Variants in SERTAD2 observed in about 807,000 individuals in gnomAD.
SERTAD2 encodes SERTA domain-containing protein 2.
In SERTAD2, 2 loss-of-function variants were observed where a neutral mutation model predicts 15.4. That is an observed-to-expected ratio of 0.13 (90% CI 0.05 to 0.41). The LOEUF (loss-of-function observed/expected upper bound fraction) is 0.41, where lower values mean the gene tolerates loss of function less well. Ranked by LOEUF, SERTAD2 falls within the 10% of genes least tolerant of loss-of-function variation. The probability of loss-of-function intolerance (pLI) is 0.99; values close to 1 mark genes in which losing one functional copy is unlikely to be tolerated. For missense variants in SERTAD2, 333 were observed against 409.7 expected (o/e 0.81, Z 1.62); for synonymous variants, 180 against 178.0 (o/e 1.01, Z -0.09).
intron 1 of SERTAD2, among the ~76,000 whole-genome samples, chr2:64,641,621 A>T (rs1674780437): frequency 6.6e-6 from 1 of 152,158 alleles, no homozygotes; most frequent in African/African-American, 2.4e-5. Context: ...AGGGGCAGCC[A>T]GGGCAGCACT....
intron 1 of SERTAD2, among the ~76,000 whole-genome samples, chr2:64,641,191 C>T (rs147242079): frequency 9.3e-4 from 142 of 152,252 alleles, no homozygotes; most frequent in African/African-American, 2.3e-3. Context: ...TTAGGAAGGA[C>T]CCTGCCTTCA....
chr2:64,651,888 G>A (rs1293638586), intron 1 of SERTAD2, among the ~76,000 whole-genome samples: 1 of 152,030 alleles, frequency 6.6e-6, no homozygotes, highest in Non-Finnish European at 1.5e-5. Flanking sequence ...AAAGGGCCGG[G>A]TGTTAAGGAA....
chr2:64,652,985 T>C (rs1045783441), intron 1 of SERTAD2, among the ~76,000 whole-genome samples: 2 of 152,156 alleles, frequency 1.3e-5, no homozygotes, highest in African/African-American at 4.8e-5. Context: ...CTTTCAGTCA[T>C]AGGCGGTTAC....
In SERTAD2 at chr2:64,635,912, C is replaced by A. The variant is rs1157965135; in HGVS notation, c.*15G>T. On this transcript the variant is annotated 3_prime_UTR_variant, in exon 2 of 2. Transcript: ENST00000313349. ...TCTGGGGTCTGGGTGGGCATAGTCGCTGGGTCCCTGGGTCTTAGGACCCAA... is the reference window on the plus strand; with the variant it reads ...TCTGGGGTCTGGGTGGGCATAGTCGATGGGTCCCTGGGTCTTAGGACCCAA... The A allele has an allele frequency of 3.8e-6, 6 of 1,591,882 alleles. No homozygotes were observed. The East Asian group carries it at 1.3e-4, about 36-fold the overall frequency.
Position 64,636,121 on chromosome 2 carries a change from T to C in SERTAD2, c.751A>G (p.Ile251Val). The stretch of plus-strand genomic sequence containing the variant: ...TCAAAATCATACATGGACGTATCAA[T>C]GTCAGCAAACAGGATGTCATCCAGG... ...LTLDDILFADIDTSMYDFDPC... is the reference protein window; with the variant it reads ...LTLDDILFADVDTSMYDFDPC... Residue 251 changes from isoleucine (I) to valine (V), a missense_variant, in exon 2 of 2, where the codon ATT becomes GTT. Ile to Val is a conservative substitution (Grantham distance 29, BLOSUM62 3). Coordinates refer to ENST00000313349, the MANE Select transcript of SERTAD2 (RefSeq NM_014755.3). The C allele has an allele frequency of 6.2e-7, 1 of 1,614,180 alleles. No individual in the cohort carries two copies. Among genetic ancestry groups the C allele is most frequent in the Non-Finnish European group, 8.5e-7 (1 of 1,180,026 alleles).
intron 1 of SERTAD2, among the ~76,000 whole-genome samples, chr2:64,650,514 C>T (rs998585209): frequency 2.6e-5 from 4 of 152,142 alleles, no homozygotes; most frequent in Non-Finnish European, 5.9e-5. Flanking sequence ...GAGTGACGGA[C>T]GCTCCAGGGG....
At chr2:64,637,891 G>T (rs574231101) in intron 1 of SERTAD2, among the ~76,000 whole-genome samples, 1 of 152,294 alleles carries the variant, frequency 6.6e-6, no homozygotes, top group African/African-American at 2.4e-5. Flanking sequence ...GTCACCTTCT[G>T]GGGAGTGGGC....
intron 1 of SERTAD2, among the ~76,000 whole-genome samples, chr2:64,640,450 G>C (rs1674748935): frequency 6.8e-6 from 1 of 146,468 alleles, no homozygotes. Context: ...GTCAGGGTCG[G>C]CCCAGCTCCT....
rs1253770016 is a variant in SERTAD2 at position 64,636,286 on chromosome 2, C to T, written c.586G>A (p.Val196Met). The part of the protein sequence containing the change: ...TEAATAATDS[V>M]KGTSSEAGTQ... ...CCAGCCTCGCTGGAGGTCCCTTTCA[C>T]ACTGTCAGTCGCAGCCGTGGCCGCC... Residue 196 changes from valine (V) to methionine (M), a missense_variant, in exon 2 of 2, where the codon GTG (valine) becomes ATG (methionine). Transcript: ENST00000313349. 1 of 1,614,212 alleles carries T rather than the reference C, an allele frequency of 6.2e-7. No homozygotes were observed. The highest frequency in any genetic ancestry group is 8.5e-7 in the Non-Finnish European group (1 of 1,180,048).
At chr2:64,642,799 G>A (rs1377660398) in intron 1 of SERTAD2, among the ~76,000 whole-genome samples, 6 of 152,128 alleles carry the variant, frequency 3.9e-5, no homozygotes, top group African/African-American at 1.4e-4. Context: ...TGGCTTGCTG[G>A]GTTTCTCTGT....
intron 1 of SERTAD2, among the ~76,000 whole-genome samples, chr2:64,651,904 G>T (rs1245381784): frequency 6.6e-6 from 1 of 152,056 alleles, no homozygotes; most frequent in African/African-American, 2.4e-5. Flanking sequence ...AGGAAAAAGG[G>T]GGTTGGGGGA....
rs1238212209 is a variant in SERTAD2 at position 64,653,723 on chromosome 2, T to TGGCGCCGGGGAGCGGGC, written c.-125_-109dup. The TGGCGCCGGGGAGCGGGC allele has an allele frequency of 2.6e-5, 4 of 151,912 alleles. No individual in the cohort carries two copies. The highest frequency in any genetic ancestry group is 4.4e-5 in the Non-Finnish European group (3 of 68,060). The allele number at this position is 151,912 out of a possible 1,614,324, so 9.4% of individuals were successfully genotyped here. ...GTGCCCCGCTCCAGGGGCCCGAGGG[T>TGGCGCCGGGGAGCGGGC]GGCGCCGGGGAGCGGGCAGCAGGCG... is the stretch of plus-strand genomic sequence containing the variant. On this transcript the variant is annotated 5_prime_UTR_variant, in exon 1 of 2. Transcript: ENST00000313349.
Position 64,636,334 on chromosome 2 carries a change from A to C in SERTAD2, c.538T>G (p.Cys180Gly), listed in dbSNP as rs1573081393. 1 of 1,614,216 alleles carries C rather than the reference A, an allele frequency of 6.2e-7. No individual in the cohort carries two copies. Among genetic ancestry groups the C allele is most frequent in the Non-Finnish European group, 8.5e-7 (1 of 1,180,028 alleles). ...GCCTCTGTGGAGGTAGATGTGGGAC[A>C]GAGCTCCTCGATCTCGTCCAAGGCA... ...SSALDEIEELCPTSTSTEAAT... is the reference protein window; with the variant it reads ...SSALDEIEELGPTSTSTEAAT... Residue 180 changes from cysteine (C) to glycine (G), a missense_variant, in exon 2 of 2, where the codon TGT becomes GGT. Cys to Gly is a radical substitution (Grantham distance 159). Around this residue, in one of 2 missense-constraint regions of SERTAD2, gnomAD observed 332 missense variants for 392.9 expected, o/e 0.84. Transcript: ENST00000313349.
At chr2:64,639,072 A>G (rs7596185) in intron 1 of SERTAD2, among the ~76,000 whole-genome samples, 3,062 of 152,362 alleles carry the variant, frequency 0.02, 114 homozygotes, top group African/African-American at 0.069. Flanking sequence ...CACTTTTGCT[A>G]AAGAGCTAAG....
intron 1 of SERTAD2, among the ~76,000 whole-genome samples, chr2:64,649,566 A>AACTGCCTAG (rs1674969619): frequency 6.6e-6 from 1 of 152,210 alleles, no homozygotes; most frequent in South Asian, 2.1e-4. Flanking sequence ...CTTTTCAGTT[A>AACTGCCTAG]ACTGCCTAGG....
chr2:64,652,555 G>A (rs867340976), intron 1 of SERTAD2, among the ~76,000 whole-genome samples: 1 of 152,272 alleles, frequency 6.6e-6, no homozygotes, highest in Non-Finnish European at 1.5e-5. Context: ...ATCAAAAAGC[G>A]TATTTCATGA....
intron 1 of SERTAD2, among the ~76,000 whole-genome samples, chr2:64,649,278 C>T (rs915499154): frequency 6.6e-6 from 1 of 152,240 alleles, no homozygotes; most frequent in Non-Finnish European, 1.5e-5. Context: ...AGCTGCAGTG[C>T]ATGGCGTGGA....
In SERTAD2 at chr2:64,638,743, T is replaced by C. The variant is rs543190527; in HGVS notation, c.-4-1868A>G. ...CAATGACCAGTCCAGTAATTAATTG[T>C]TCTTCAGGGCAATAAAGGTTATGAT... On this transcript the variant is annotated intron_variant, in intron 1 of 1. Transcript: ENST00000313349. Among the ~76,000 whole-genome samples, 4 of 152,344 alleles carry C rather than the reference T, an allele frequency of 2.6e-5. No homozygotes were observed. In the South Asian group the frequency reaches 8.3e-4, roughly 32 times the overall value.
rs1466685337 is a variant in SERTAD2 at position 64,634,734 on chromosome 2, G to A, written c.*1193C>T. Reference sequence around the variant, plus strand: ...GGGCCCTAAGCATTGCAACAGGGCTGAGTTCCATGAAGAAGTTGGTTGCTT... The same window carrying A: ...GGGCCCTAAGCATTGCAACAGGGCTAAGTTCCATGAAGAAGTTGGTTGCTT... On this transcript the variant is annotated 3_prime_UTR_variant, in exon 2 of 2. Transcript: ENST00000313349. 2.0e-5 allele frequency: 3 copies of A among 152,184 alleles called. No individual in the cohort carries two copies. Among genetic ancestry groups the A allele is most frequent in the African/African-American group, 7.2e-5 (3 of 41,440 alleles). The allele number at this position is 152,184 out of a possible 1,614,324, so 9.4% of individuals were successfully genotyped here.
Sources: gnomAD v4.1 joint callset for allele counts (sites outside exome capture counted in the v4.1 genomes callset) on GRCh38, gnomAD v4.1.1 for gene constraint, gnomAD v4.1.1 regional missense constraint, MANE v1.5 for transcripts, NCBI Gene and HGNC (gene_info 2026-07-23, HGNC 2026-07-21) for gene names.